The following IDE variants were observed in gnomAD, a reference collection of about 807,000 sequenced individuals.
IDE encodes insulin-degrading enzyme.
In IDE, 58 loss-of-function variants were observed where a neutral mutation model predicts 133.2. That is an observed-to-expected ratio of 0.44 (90% CI 0.35 to 0.54). The LOEUF is 0.54. Ranked by LOEUF, IDE falls within the 20% of genes least tolerant of loss-of-function variation. The pLI is 0.00. For missense variants in IDE, 981 were observed against 1,234.0 expected, an observed-to-expected ratio of 0.79 and a Z score of 3.07; for synonymous variants, 396 against 421.3, an observed-to-expected ratio of 0.94 and a Z score of 0.73.
At position 92,514,972 on chromosome 10, in the gene IDE, G is replaced by T. The variant is rs771986094; in HGVS notation, c.732C>A (p.Phe244Leu). ...AGTTGGATGAATAGTAAGCAGAATGGAATTTCAGTAGCTCTTGTCTTACAT... is the reference window on the plus strand; with the variant it reads ...AGTTGGATGAATAGTAAGCAGAATGTAATTTCAGTAGCTCTTGTCTTACAT... ...GIDVRQELLK[F>L]HSAYYSSNLM... Residue 244 changes from phenylalanine (F) to leucine (L), a missense_variant, in exon 5 of 25, where the codon TTC becomes TTA. This residue lies in a region of IDE where 321 missense variants were observed against 339.3 expected (regional missense o/e 0.95). Transcript: ENST00000265986. 15 of 1,611,968 alleles carry T rather than the reference G, an allele frequency of 9.3e-6. No homozygotes were observed. The highest frequency in any genetic ancestry group is 1.2e-5 in the Non-Finnish European group (14 of 1,178,198).
At chr10:92,510,629 G>GTA (rs768554606) in intron 5 of IDE, among the ~76,000 whole-genome samples, 39 of 150,378 alleles carry the variant, frequency 2.6e-4, no homozygotes, top group South Asian at 6.3e-4. Flanking sequence ...ATGTGTGTGT[G>GTA]TATATATATA....
intron 4 of IDE, among the ~76,000 whole-genome samples, chr10:92,525,463 C>T (rs188403440): frequency 2.5e-4 from 38 of 152,220 alleles, no homozygotes; most frequent in African/African-American, 9.1e-4. Context: ...AAGTGAAAGC[C>T]TTTGCTCTAA....
chr10:92,555,895 C>T (rs1004694051), intron 1 of IDE, among the ~76,000 whole-genome samples: 7 of 152,068 alleles, frequency 4.6e-5, no homozygotes, highest in Admixed American at 6.6e-5. Flanking sequence ...AAAAGTAGGC[C>T]GGGCGCGGTG....
intron 17 of IDE, among the ~76,000 whole-genome samples, chr10:92,473,123 T>C (rs1846060563): frequency 6.7e-6 from 1 of 149,556 alleles, no homozygotes; most frequent in African/African-American, 2.5e-5. Flanking sequence ...TTTGTATTTT[T>C]AGTACAGACG....
intron 4 of IDE, among the ~76,000 whole-genome samples, chr10:92,518,761 A>G (rs746033912): frequency 6.6e-6 from 1 of 152,260 alleles, no homozygotes; most frequent in African/African-American, 2.4e-5. Flanking sequence ...CTTACAAAAC[A>G]AAATGTTGAA....
chr10:92,483,067 A>G (rs1045314117), intron 14 of IDE, among the ~76,000 whole-genome samples, 188 bp downstream of exon 14: 1 of 152,212 alleles, frequency 6.6e-6, no homozygotes, highest in African/African-American at 2.4e-5. Context: ...GGCGTGAGCC[A>G]CCGTGCCCGG....
intron 21 of IDE, among the ~76,000 whole-genome samples, chr10:92,462,396 G>T (rs901220748): frequency 3.5e-4 from 53 of 151,630 alleles, no homozygotes; most frequent in African/African-American, 1.3e-3. Context: ...CGAGGCAGGG[G>T]GATCACCTAA....
At position 92,544,728 on chromosome 10, in the gene IDE, C is replaced by T. The variant is rs150210933; in HGVS notation, c.99-7178G>A. On this transcript the variant is annotated intron_variant, in intron 1 of 24. Transcript: ENST00000265986. ...GCTCCAAGGAAAGTTTTCAGTTTTT[C>T]ACTCCTTCTTCTGCATATAAAACAC... Among the ~76,000 whole-genome samples, 1,157 of 152,318 alleles carry T rather than the reference C, an allele frequency of 7.6e-3. 16 individuals are homozygous for T. Among genetic ancestry groups the T allele is most frequent in the African/African-American group, 0.027 (1,106 of 41,580 alleles).
At chr10:92,539,741 C>A (rs1039869227) in intron 1 of IDE, among the ~76,000 whole-genome samples, 1 of 149,760 alleles carries the variant, frequency 6.7e-6, no homozygotes, top group Admixed American at 6.6e-5. Flanking sequence ...TCCAGCCTGG[C>A]GACAGAGTGA....
chr10:92,454,699 T>C (rs1844899453), intron 24 of IDE, among the ~76,000 whole-genome samples, 160 bp from the exon 25 acceptor site: 1 of 152,246 alleles, frequency 6.6e-6, no homozygotes, highest in South Asian at 2.1e-4. Flanking sequence ...CCATGTATCT[T>C]GATCTGCTGA....
intron 1 of IDE, among the ~76,000 whole-genome samples, chr10:92,562,059 C>T (rs1320700734): frequency 6.6e-6 from 1 of 152,172 alleles, no homozygotes; most frequent in Non-Finnish European, 1.5e-5. Context: ...AAAGACAAAT[C>T]TTCCCTAGCT....
Position 92,525,575 on chromosome 10 carries a change from T to C in IDE, c.661+6173A>G, listed in dbSNP as rs564727324. On this transcript the variant is annotated intron_variant, in intron 4 of 24. Coordinates refer to ENST00000265986, the MANE Select transcript of IDE (RefSeq NM_004969.4). Reference sequence around the variant, plus strand: ...GACAAGACATAAAGGGCATCCAAAATGGAAAGAAGTCAAACTGTCATTGTT... The same window carrying C: ...GACAAGACATAAAGGGCATCCAAAACGGAAAGAAGTCAAACTGTCATTGTT... 9.2e-5 allele frequency among the ~76,000 whole-genome samples: 14 copies of C among 152,034 alleles called. No homozygotes were observed. In the South Asian group the frequency reaches 1.5e-3, roughly 16 times the overall value.
At chr10:92,566,960 C>A (rs375454996) in intron 1 of IDE, among the ~76,000 whole-genome samples, 1 of 152,208 alleles carries the variant, frequency 6.6e-6, no homozygotes, top group South Asian at 2.1e-4. Flanking sequence ...CATTTCCTAT[C>A]CTTAAGCAAA....
At chr10:92,493,683 T>C (rs1325620605) in intron 11 of IDE, among the ~76,000 whole-genome samples, 2 of 152,024 alleles carry the variant, frequency 1.3e-5, no homozygotes, top group Admixed American at 6.5e-5. Flanking sequence ...TGGGTAACAT[T>C]TGAAATGTTA....
At chr10:92,534,332 A>G (rs1755407703) in intron 3 of IDE, among the ~76,000 whole-genome samples, 1 of 152,234 alleles carries the variant, frequency 6.6e-6, no homozygotes, top group Admixed American at 6.5e-5. Context: ...CATGCTTTAT[A>G]TGTAACACCA....
chr10:92,514,101 A>G (rs1848775133), intron 5 of IDE, among the ~76,000 whole-genome samples: 1 of 152,158 alleles, frequency 6.6e-6, no homozygotes, highest in African/African-American at 2.4e-5. Flanking sequence ...TATATCTCCT[A>G]TTTGAACTCT....
At chr10:92,472,941 ATTT>A (rs535455118) in intron 17 of IDE, among the ~76,000 whole-genome samples, 3 of 121,680 alleles carry the variant, frequency 2.5e-5, no homozygotes, top group South Asian at 2.6e-4. Flanking sequence ...CCAGCCCAGA[ATTT>A]TTTTTTTTTT....
intron 6 of IDE, among the ~76,000 whole-genome samples, chr10:92,509,100 C>G (rs1277137346): frequency 2.0e-5 from 3 of 152,172 alleles, no homozygotes; most frequent in African/African-American, 7.2e-5. Context: ...CCATGTTTGA[C>G]CCCCTGAACC....
intron 5 of IDE, among the ~76,000 whole-genome samples, chr10:92,512,571 A>G (rs780613751): frequency 6.6e-6 from 1 of 151,708 alleles, no homozygotes; most frequent in Non-Finnish European, 1.5e-5. Flanking sequence ...AAAAAAAAAA[A>G]AAACACCCAG....
Sources: gnomAD v4.1 joint callset for allele counts (sites outside exome capture counted in the v4.1 genomes callset) on GRCh38, gnomAD v4.1.1 for gene constraint, gnomAD v4.1.1 regional missense constraint, MANE v1.5 for transcripts, NCBI Gene and HGNC (gene_info 2026-07-23, HGNC 2026-07-21) for gene names.